HENMT1: variants seen among roughly 807,000 people sequenced by gnomAD.
The protein encoded by HENMT1 is HEN methyltransferase 1, also known as small RNA 2'-O-methyltransferase.
A neutral mutation model predicts 31.1 loss-of-function variants in HENMT1; 27 were observed. That is an observed-to-expected ratio of 0.87 (90% CI 0.64 to 1.20). HENMT1 has a LOEUF of 1.20. Among genes scored for constraint, HENMT1 ranks in the 50% most tolerant of loss-of-function variants. HENMT1 has a pLI of 0.00. For missense variants in HENMT1, 438 were observed against 469.6 expected, an observed-to-expected ratio of 0.93 and a Z score of 0.62; for synonymous variants, 167 against 172.2, an observed-to-expected ratio of 0.97 and a Z score of 0.24.
rs111789685 is a variant in HENMT1, at chr1:108,657,487, G to T, written c.114C>A (p.Phe38Leu). Reference protein sequence around the residue: ...KPPLYRQRYQFVKNLVDQHEP... With the variant: ...KPPLYRQRYQLVKNLVDQHEP... ...CATGTTGATCCACTAAATTTTTAAC[G>T]AACTGGTACCGCTGTCTGTATAGTG... Residue 38 changes from phenylalanine (F) to leucine (L), a missense_variant, in exon 3 of 8, where the codon TTC becomes TTA. By Grantham distance (22) the Phe-to-Leu change is conservative (BLOSUM62 0). Coordinates refer to ENST00000651461, the MANE Select transcript of HENMT1 (RefSeq NM_001102592.2). 19 of 1,609,070 alleles carry T rather than the reference G, an allele frequency of 1.2e-5. No homozygotes were observed. The highest frequency in any genetic ancestry group is 1.6e-5 in the Non-Finnish European group (19 of 1,176,518).
At chr1:108,653,886 C>A (rs1177141033) in intron 5 of HENMT1, among the ~76,000 whole-genome samples, 1 of 152,082 alleles carries the variant, frequency 6.6e-6, no homozygotes, top group Non-Finnish European at 1.5e-5. Flanking sequence ...TGTGCAGAAA[C>A]CTTTCAGTTT....
At chr1:108,651,825 A>T (rs1223341571) in intron 5 of HENMT1, among the ~76,000 whole-genome samples, 1 of 152,140 alleles carries the variant, frequency 6.6e-6, no homozygotes, top group African/African-American at 2.4e-5. Context: ...AACTCCATCT[A>T]TGATGGCTCC....
intron 5 of HENMT1, among the ~76,000 whole-genome samples, chr1:108,653,686 A>G (rs1347402479): frequency 1.3e-5 from 2 of 152,188 alleles, no homozygotes; most frequent in Admixed American, 1.3e-4. Flanking sequence ...AGTGATGTTG[A>G]GCATTTTTTC....
At chr1:108,650,024 G>A (rs751847838) in intron 7 of HENMT1, 187 bp downstream of exon 7, 1 of 691,664 alleles carries the variant, frequency 1.4e-6, no homozygotes, top group South Asian at 1.5e-5. Flanking sequence ...CAAAAGGCCA[G>A]GCAGTCTCAA....
intron 5 of HENMT1, among the ~76,000 whole-genome samples, chr1:108,653,372 G>A (rs372863048): frequency 5.3e-5 from 8 of 152,080 alleles, no homozygotes; most frequent in African/African-American, 1.2e-4. Context: ...GGTAGATTCC[G>A]TATCCTGGCT....
At chr1:108,653,380 G>T (rs2100998093) in intron 5 of HENMT1, among the ~76,000 whole-genome samples, 1 of 152,162 alleles carries the variant, frequency 6.6e-6, no homozygotes, top group South Asian at 2.1e-4. Context: ...CCGTATCCTG[G>T]CTACTGTGCT....
At chr1:108,659,300 G>A (rs56981546) in intron 2 of HENMT1, among the ~76,000 whole-genome samples, 21,493 of 151,854 alleles carry the variant, frequency 0.14, 2,233 homozygotes, top group African/African-American at 0.29. Context: ...GGTGGTCAGC[G>A]TTGCAGTTAA....
In HENMT1 at chr1:108,648,460, TGAA is replaced by T. The variant is rs1657939453; in HGVS notation, c.*103_*105del. The T allele has an allele frequency of 2.0e-6, 2 of 979,318 alleles. No homozygotes were observed. Among genetic ancestry groups the T allele is most frequent in the East Asian group, 5.2e-5 (2 of 38,306 alleles). 60.7% of individuals were successfully genotyped at this position (979,318 alleles called of 1,614,324 possible). On this transcript the variant is annotated 3_prime_UTR_variant, in exon 8 of 8. Coordinates refer to ENST00000651461, the MANE Select transcript of HENMT1 (RefSeq NM_001102592.2). ...TGGCTTGGAACATAGACTTTTGCAG[TGAA>T]ACTTTAAAAACATTACTTGAATTAG...
At chr1:108,655,819 T>C (rs1301037510) in intron 3 of HENMT1, 121 bp from the exon 4 acceptor site, 1 of 549,302 alleles carries the variant, frequency 1.8e-6, no homozygotes, top group Admixed American at 3.6e-5. Context: ...GAAAGTATTA[T>C]ATGGAAGGAT....
intron 4 of HENMT1, 142 bp from the exon 5 acceptor site, chr1:108,654,992 T>C: frequency 1.2e-6 from 1 of 828,880 alleles, no homozygotes; most frequent in South Asian, 1.9e-5. Flanking sequence ...TGTCTTGACA[T>C]ATTAAAGACC....
In HENMT1 at chr1:108,655,654, T is replaced by C. The variant is rs754595447; in HGVS notation, c.195A>G (p.Leu65=). 1 of 1,613,202 alleles carries C rather than the reference T, an allele frequency of 6.2e-7. No individual in the cohort carries two copies. The highest frequency in any genetic ancestry group is 1.1e-5 in the South Asian group (1 of 90,912). The change falls in exon 4 of 8, where the codon CTA becomes CTG. Residue 65 remains leucine (L), a synonymous_variant. Transcript: ENST00000651461. The part of the protein sequence containing the change: ...GCGDTSLLRL[L]KVNPCIELLV... ...GCAATTCAATGCATGGATTGACTTT[T>C]AGCAGCCTTAAGAGTGAAGTATCAC...
At chr1:108,659,638 A>G (rs1300583974) in intron 2 of HENMT1, among the ~76,000 whole-genome samples, 1 of 152,242 alleles carries the variant, frequency 6.6e-6, no homozygotes, top group African/African-American at 2.4e-5. Context: ...GTGTTTTTAA[A>G]ATAGATTTTG....
At chr1:108,656,284 G>A (rs1156771600) in intron 3 of HENMT1, among the ~76,000 whole-genome samples, 3 of 152,086 alleles carry the variant, frequency 2.0e-5, no homozygotes, top group African/African-American at 7.2e-5. Flanking sequence ...AGTAGTGGTG[G>A]AGTTAAGGGA....
rs777845091 is a variant in HENMT1, at chr1:108,648,734, T to C, written c.1014A>G (p.Lys338=). 47 of 1,613,952 alleles carry C rather than the reference T, an allele frequency of 2.9e-5. No individual in the cohort carries two copies. The highest frequency in any genetic ancestry group is 2.2e-5 in the South Asian group (2 of 91,070). ...GGAGTCTCTGCAGAGGTACGAAAAA[T>C]TTATCTCCAACACAGAAGGGTGTGG... ...NSPTPFCVGD[K]FFVPLQRLLA... The change falls in exon 8 of 8, where the codon AAA becomes AAG. Residue 338 remains lysine, a synonymous_variant. Transcript: ENST00000651461.
At chr1:108,656,076 A>C (rs956615987) in intron 3 of HENMT1, among the ~76,000 whole-genome samples, 3 of 152,210 alleles carry the variant, frequency 2.0e-5, no homozygotes, top group Admixed American at 6.5e-5. Flanking sequence ...ATATTTCAGC[A>C]AACAAAGCTT....
At chr1:108,657,002 A>G (rs1463039084) in intron 3 of HENMT1, among the ~76,000 whole-genome samples, 1 of 152,184 alleles carries the variant, frequency 6.6e-6, no homozygotes, top group African/African-American at 2.4e-5. Flanking sequence ...CTCACTGCAA[A>G]AAACCACCCT....
At chr1:108,655,760 CT>C (rs1251548525) in intron 3 of HENMT1, 62 bp from the exon 4 acceptor site, 39 of 1,084,650 alleles carry the variant, frequency 3.6e-5, no homozygotes, top group Middle Eastern at 4.2e-4. Flanking sequence ...TGATCAAAAA[CT>C]TTTTTTTGAG....
rs994001621 is a variant in HENMT1 at position 108,651,383 on chromosome 1, G to A, written c.399-174C>T. The A allele has an allele frequency of 1.2e-4, 73 of 600,356 alleles. 1 individual carries two copies. In the South Asian group the frequency reaches 1.2e-3, roughly 10 times the overall value. 37.2% of individuals were successfully genotyped at this position (600,356 alleles called of 1,614,324 possible). Reference sequence around the variant, plus strand: ...ATTCGGGCCAGGCACAGTGGCTCACGCCTGTAATCCCAACACTTTGGGAGG... The same window carrying A: ...ATTCGGGCCAGGCACAGTGGCTCACACCTGTAATCCCAACACTTTGGGAGG... On this transcript the variant is annotated intron_variant, in intron 5 of 7. Transcript: ENST00000651461.
intron 1 of HENMT1, 38 bp downstream of exon 1, chr1:108,660,925 A>G: frequency 1.2e-6 from 1 of 811,820 alleles, no homozygotes; most frequent in Non-Finnish European, 1.5e-6. Context: ...CTCCGTCTCA[A>G]AAAAAAAAAA....
Sources: gnomAD v4.1 joint callset for allele counts (sites outside exome capture counted in the v4.1 genomes callset) on GRCh38, gnomAD v4.1.1 for gene constraint, MANE v1.5 for transcripts, NCBI Gene and HGNC (gene_info 2026-07-23, HGNC 2026-07-21) for gene names.